The following B3GALT1 variants were observed in gnomAD, a reference collection of about 807,000 sequenced individuals.
B3GALT1 encodes the protein UDP-Gal:betaGlcNAc beta 1,3-galactosyltransferase, polypeptide 1.
A neutral mutation model predicts 23.2 loss-of-function variants in B3GALT1; 10 were observed. The ratio of observed to expected loss-of-function variants is 0.43; its 90% CI spans 0.27 to 0.73. The LOEUF is 0.73. Ranked by LOEUF, B3GALT1 falls within the 30% of genes least tolerant of loss-of-function variation. The pLI is 0.21. For missense variants in B3GALT1, 299 were observed against 405.4 expected, an observed-to-expected ratio of 0.74 and a Z score of 2.25; for synonymous variants, 156 against 141.5, an observed-to-expected ratio of 1.10 and a Z score of -0.73.
intron 3 of B3GALT1, among the ~76,000 whole-genome samples, chr2:167,779,766 C>A (rs901650897): frequency 6.6e-6 from 1 of 152,166 alleles, no homozygotes; most frequent in Non-Finnish European, 1.5e-5. Flanking sequence ...AGAACTGGAG[C>A]ATTACATATT....
intron 4 of B3GALT1, among the ~76,000 whole-genome samples, chr2:167,828,206 C>A (rs941513802): frequency 6.6e-6 from 1 of 152,138 alleles, no homozygotes; most frequent in Admixed American, 6.5e-5. Context: ...ACCATCTAGT[C>A]CTAGAATTTG....
At chr2:167,430,014 A>T (rs1012075643) in intron 1 of B3GALT1, among the ~76,000 whole-genome samples, 2 of 152,236 alleles carry the variant, frequency 1.3e-5, no homozygotes, top group African/African-American at 4.8e-5. Flanking sequence ...GGAGAGGCAG[A>T]TAACAGACAA....
intron 1 of B3GALT1, among the ~76,000 whole-genome samples, chr2:167,422,127 A>G (rs1698555563): frequency 6.7e-6 from 1 of 148,928 alleles, no homozygotes; most frequent in African/African-American, 2.5e-5. Context: ...AGAAGGGAGG[A>G]GAAGGGGGAG....
intron 2 of B3GALT1, among the ~76,000 whole-genome samples, chr2:167,520,836 G>A (rs1558891146): frequency 6.6e-6 from 1 of 152,196 alleles, no homozygotes; most frequent in Non-Finnish European, 1.5e-5. Context: ...CAATGGGTTG[G>A]CACCCATCAA....
intron 2 of B3GALT1, among the ~76,000 whole-genome samples, chr2:167,535,785 AAT>A (rs1308217616): frequency 6.6e-6 from 1 of 152,208 alleles, no homozygotes; most frequent in African/African-American, 2.4e-5. Context: ...TGTTACATAG[AAT>A]ACAATAATAA....
At chr2:167,298,090 A>G (rs1696385057) in intron 1 of B3GALT1, among the ~76,000 whole-genome samples, 1 of 152,180 alleles carries the variant, frequency 6.6e-6, no homozygotes, top group African/African-American at 2.4e-5. Flanking sequence ...TTTTTAAACC[A>G]CAAGTAAACC....
chr2:167,744,112 T>C (rs765813166), intron 3 of B3GALT1, among the ~76,000 whole-genome samples: 12 of 152,182 alleles, frequency 7.9e-5, no homozygotes, highest in Non-Finnish European at 1.3e-4. Context: ...TGAATTGCAG[T>C]CAGAGAAAAT....
chr2:167,525,628 T>A (rs115238249), intron 2 of B3GALT1, among the ~76,000 whole-genome samples: 1,822 of 152,116 alleles, frequency 0.012, 16 homozygotes, highest in Middle Eastern at 0.02. Context: ...TCATTTTTTT[T>A]ATTTTTTATT....
intron 3 of B3GALT1, among the ~76,000 whole-genome samples, chr2:167,675,169 A>G (rs1686402001): frequency 6.6e-6 from 1 of 152,146 alleles, no homozygotes; most frequent in African/African-American, 2.4e-5. Context: ...ACAGTATGTG[A>G]ATTAAAATGG....
At chr2:167,689,855 T>G (rs1160964670) in intron 3 of B3GALT1, among the ~76,000 whole-genome samples, 1 of 151,866 alleles carries the variant, frequency 6.6e-6, no homozygotes, top group Non-Finnish European at 1.5e-5. Flanking sequence ...GAAAGAGAGG[T>G]TTTGTTAAGG....
At chr2:167,376,212 A>G (rs189282146) in intron 1 of B3GALT1, among the ~76,000 whole-genome samples, 2 of 152,250 alleles carry the variant, frequency 1.3e-5, no homozygotes, top group Admixed American at 1.3e-4. Flanking sequence ...ATCATTGTGA[A>G]TTAACTTTTT....
At chr2:167,835,284 A>G (rs1689436698) in intron 4 of B3GALT1, among the ~76,000 whole-genome samples, 1 of 152,152 alleles carries the variant, frequency 6.6e-6, no homozygotes, top group African/African-American at 2.4e-5. Context: ...CTAGTCAAAG[A>G]AAGGGGTGAC....
At chr2:167,556,084 C>T (rs2105384154) in intron 2 of B3GALT1, among the ~76,000 whole-genome samples, 1 of 152,178 alleles carries the variant, frequency 6.6e-6, no homozygotes, top group South Asian at 2.1e-4. Flanking sequence ...TTGTGAATTG[C>T]TCTTTTTTAC....
chr2:167,382,427 T>C (rs1349196644), intron 1 of B3GALT1, among the ~76,000 whole-genome samples: 1 of 151,960 alleles, frequency 6.6e-6, no homozygotes, highest in Non-Finnish European at 1.5e-5. Context: ...TTGCACTGTT[T>C]TGCACCTCTC....
intron 1 of B3GALT1, among the ~76,000 whole-genome samples, chr2:167,477,940 T>C (rs956894334): frequency 1.3e-5 from 2 of 152,214 alleles, no homozygotes. Context: ...ATTTGAAAGG[T>C]CTATTTATTG....
At chr2:167,466,637 G>A (rs111698941) in intron 1 of B3GALT1, among the ~76,000 whole-genome samples, 6,821 of 137,080 alleles carry the variant, frequency 0.05, 557 homozygotes, top group African/African-American at 0.17. Flanking sequence ...AAAAAAAAAA[G>A]GATGGTCTTG....
intron 2 of B3GALT1, among the ~76,000 whole-genome samples, chr2:167,646,685 A>G (rs1166304629): frequency 1.3e-5 from 2 of 151,966 alleles, no homozygotes; most frequent in Non-Finnish European, 2.9e-5. Flanking sequence ...GTAAGGACCC[A>G]CTCCCCCTTG....
At chr2:167,427,800 C>T (rs1574074443) in intron 1 of B3GALT1, among the ~76,000 whole-genome samples, 1 of 152,192 alleles carries the variant, frequency 6.6e-6, no homozygotes, top group Non-Finnish European at 1.5e-5. Flanking sequence ...TCCCACTGGC[C>T]ATTATTTGGT....
At chr2:167,534,290 G>A (rs188451943) in intron 2 of B3GALT1, among the ~76,000 whole-genome samples, 29 of 151,976 alleles carry the variant, frequency 1.9e-4, no homozygotes, top group Non-Finnish European at 3.2e-4. Context: ...TCTACATCTC[G>A]TAACTCCTCT....
Sources: gnomAD v4.1 joint callset for allele counts (sites outside exome capture counted in the v4.1 genomes callset) on GRCh38, gnomAD v4.1.1 for gene constraint, MANE v1.5 for transcripts, NCBI Gene and HGNC (gene_info 2026-07-23, HGNC 2026-07-21) for gene names.